HERC1: variants seen among roughly 807,000 people sequenced by gnomAD.
The protein encoded by HERC1 is HECT and RLD domain containing E3 ubiquitin protein ligase family member 1, also known as probable E3 ubiquitin-protein ligase HERC1.
HERC1 carries 160 observed loss-of-function variants against 554.3 expected under a neutral mutation model. That is an observed-to-expected ratio of 0.29 (90% CI 0.25 to 0.33). The LOEUF is 0.33. HERC1 is among the 10% of genes least tolerant of loss of function. The probability of loss-of-function intolerance (pLI) is 1.00; values close to 1 mark genes in which losing one functional copy is unlikely to be tolerated. For synonymous variants in HERC1, 2,175 were observed against 2,131.7 expected (o/e 1.02, Z -0.56); for missense variants, 4,919 against 5,918.5 (o/e 0.83, Z 5.54).
intron 74 of HERC1, 184 bp from the exon 75 acceptor site, chr15:63,616,866 T>G (rs989651991): frequency 5.1e-6 from 3 of 590,186 alleles, no homozygotes; most frequent in Non-Finnish European, 8.9e-6. Flanking sequence ...TAATCACACG[T>G]TGAGTTCTCA....
chr15:63,662,130 T>C, intron 44 of HERC1, 109 bp from the exon 45 acceptor site: 3 of 1,136,214 alleles, frequency 2.6e-6, no homozygotes, highest in Non-Finnish European at 3.6e-6. Context: ...CTAGAATATT[T>C]CCAACATGTT....
intron 74 of HERC1, among the ~76,000 whole-genome samples, chr15:63,619,031 T>C (rs905014366): frequency 6.6e-5 from 10 of 151,828 alleles, no homozygotes; most frequent in African/African-American, 2.4e-4. Flanking sequence ...TCCAACACTA[T>C]GTTGAATAGG....
chr15:63,612,103 G>T lies in HERC1; in HGVS notation c.14400+148C>A. On this transcript the variant is annotated intron_variant, in intron 77 of 77. Transcript: ENST00000443617. This position sits in a 1 kb window ranked among gnomAD's most constrained non-coding sequence, Gnocchi z 5.0. Reference sequence around the variant, plus strand: ...CTGCGGAGGCTGAGGCAGGAGAACTGCTTGAAGCTAGGAAGCGGAGGTTGC... The same window carrying T: ...CTGCGGAGGCTGAGGCAGGAGAACTTCTTGAAGCTAGGAAGCGGAGGTTGC... 1.4e-6 allele frequency: 1 copy of T among 691,880 alleles called. No individual in the cohort carries two copies. The highest frequency in any genetic ancestry group is 2.0e-5 in the South Asian group (1 of 50,304). 42.9% of individuals were successfully genotyped at this position (691,880 alleles called of 1,614,324 possible).
rs34069674 is a variant in HERC1 at position 63,718,083 on chromosome 15, GACACAC to G, written c.3978+485_3978+490del. Among the ~76,000 whole-genome samples, 201 of 75,658 alleles carry G rather than the reference GACACAC, an allele frequency of 2.7e-3. 1 individual carries two copies. Among genetic ancestry groups the G allele is most frequent in the Admixed American group, 8.0e-3 (70 of 8,796 alleles). 49.6% of individuals were successfully genotyped at this position (75,658 alleles called of 152,430 possible). On this transcript the variant is annotated intron_variant, in intron 21 of 77. Transcript: ENST00000443617. This position sits in a 1 kb window ranked among gnomAD's most constrained non-coding sequence, Gnocchi z 4.2. ...AGTATTTTTAAGGCAGCTATTATGT[GACACAC>G]ACACACACACACACACACACACACA...
rs542812318 is a variant in HERC1 at position 63,723,414 on chromosome 15, A to T, written c.3569-59T>A. ...TCATAAATTTTGGTGCTACAGATAA[A>T]ATCTTACCACATTTATTTAATGATT... On this transcript the variant is annotated intron_variant, in intron 18 of 77. Transcript: ENST00000443617. 2.7e-6 allele frequency: 3 copies of T among 1,129,030 alleles called. No individual in the cohort carries two copies. In the East Asian group the frequency reaches 7.8e-5, roughly 29 times the overall value. 69.9% of individuals were successfully genotyped at this position (1,129,030 alleles called of 1,614,324 possible).
intron 43 of HERC1, 56 bp from the exon 44 acceptor site, chr15:63,663,260 T>G: frequency 2.0e-6 from 3 of 1,477,072 alleles, no homozygotes; most frequent in Non-Finnish European, 2.8e-6. Context: ...ATTCTGAATA[T>G]TTCGCCAGTT....
At chr15:63,787,708 T>G (rs1340340155) in intron 1 of HERC1, among the ~76,000 whole-genome samples, 4 of 151,924 alleles carry the variant, frequency 2.6e-5, no homozygotes. Context: ...AAGGCTGTAG[T>G]GCACTATGAT....
At chr15:63,723,488 A>G in intron 18 of HERC1, 133 bp from the exon 19 acceptor site, 2 of 642,314 alleles carry the variant, frequency 3.1e-6, no homozygotes, top group South Asian at 4.6e-5. Flanking sequence ...ACCAAGGTAA[A>G]GTCCTTTAAT....
chr15:63,647,970 G>T, intron 55 of HERC1, 99 bp downstream of exon 55: 1 of 919,500 alleles, frequency 1.1e-6, no homozygotes, highest in Non-Finnish European at 1.7e-6. Flanking sequence ...TTGGGTGATG[G>T]ATATCTTAAA....
rs1270189772 is a variant in HERC1 at position 63,758,920 on chromosome 15, G to A, written c.1027-551C>T. Among the ~76,000 whole-genome samples, 3 of 151,292 alleles carry A rather than the reference G, an allele frequency of 2.0e-5. No individual in the cohort carries two copies. Among genetic ancestry groups the A allele is most frequent in the Admixed American group, 2.0e-4 (3 of 15,178 alleles). Reference sequence around the variant, plus strand: ...CCCAACTTTTTTTTTAAATAGATGGGGTCTCATTATCTTACACAGACTAGA... The same window carrying A: ...CCCAACTTTTTTTTTAAATAGATGGAGTCTCATTATCTTACACAGACTAGA... On this transcript the variant is annotated intron_variant, in intron 3 of 77. Coordinates refer to ENST00000443617, the MANE Select transcript of HERC1 (RefSeq NM_003922.4). This position sits in a 1 kb window ranked among gnomAD's most constrained non-coding sequence, Gnocchi z 4.0.
intron 30 of HERC1, 91 bp downstream of exon 30, chr15:63,693,873 A>G (rs2072260650): frequency 7.7e-7 from 1 of 1,291,874 alleles, no homozygotes; most frequent in Non-Finnish European, 1.1e-6. Flanking sequence ...ATACCTCATA[A>G]GGAAGAGGAA....
At chr15:63,676,299 T>C (rs931990230) in intron 37 of HERC1, among the ~76,000 whole-genome samples, 8 of 152,196 alleles carry the variant, frequency 5.3e-5, no homozygotes, top group Admixed American at 2.0e-4. Flanking sequence ...TGTAAAGCTG[T>C]CACTGGTTTC....
At chr15:63,610,815 C>T (rs1466328178) in intron 77 of HERC1, among the ~76,000 whole-genome samples, 2 of 152,178 alleles carry the variant, frequency 1.3e-5, no homozygotes, top group East Asian at 1.9e-4. Flanking sequence ...ACATCATGGG[C>T]CCTGCTCAGA....
chr15:63,794,943 G>A (rs139745343), intron 1 of HERC1, among the ~76,000 whole-genome samples: 36 of 151,844 alleles, frequency 2.4e-4, no homozygotes, highest in Admixed American at 5.9e-4. Context: ...GTGTGTACCT[G>A]TAGTCCCAGC....
rs1255175630 is a variant in HERC1 at position 63,733,102 on chromosome 15, G to A, written c.2690C>T (p.Thr897Ile). 1.2e-6 allele frequency: 2 copies of A among 1,613,704 alleles called. No individual in the cohort carries two copies. The highest frequency in any genetic ancestry group is 1.3e-5 in the African/African-American group (1 of 74,906). The change falls in exon 14 of 78, where the codon ACC becomes ATC. Residue 897 changes from threonine to isoleucine, a missense_variant. Transcript: ENST00000443617. ...DIILTSLQDH[T>I]HVASLLGYSS... ...ATAGCCAAGTAGGGAGGCTACGTGG[G>A]TATGATCTTGCAAACTTGTCAGGAT...
intron 8 of HERC1, among the ~76,000 whole-genome samples, chr15:63,750,310 TA>T (rs2075191711): frequency 6.6e-6 from 1 of 152,150 alleles, no homozygotes; most frequent in African/African-American, 2.4e-5. Context: ...AGTAACAAGG[TA>T]GTTCCCCTTA....
chr15:63,624,444 C>T (rs2068213566), intron 71 of HERC1, 117 bp from the exon 72 acceptor site: 1 of 876,672 alleles, frequency 1.1e-6, no homozygotes, highest in African/African-American at 1.7e-5. Flanking sequence ...TGCCTGTAGT[C>T]CCAGCACTTT....
rs553397856 is a variant in HERC1 at position 63,776,649 on chromosome 15, G to GA, written c.-26-1001dup. On this transcript the variant is annotated intron_variant, in intron 1 of 77. Coordinates refer to ENST00000443617, the MANE Select transcript of HERC1 (RefSeq NM_003922.4). ...TATTCTATGTCTCAATACTGGTGTG[G>GA]AATACACAGGTTGCGCATTTGTTAA... Among the ~76,000 whole-genome samples the GA allele has an allele frequency of 6.6e-5, 10 of 152,222 alleles. No homozygotes were observed. In the East Asian group the frequency reaches 1.7e-3, roughly 26 times the overall value.
intron 26 of HERC1, among the ~76,000 whole-genome samples, chr15:63,697,483 TCA>T (rs1297727456): frequency 5.0e-4 from 73 of 147,338 alleles, no homozygotes; most frequent in Middle Eastern, 3.5e-3. Context: ...AGATGGAGTT[TCA>T]CTCTTGTTGC....
Sources: allele counts gnomAD v4.1 joint callset (sites outside exome capture counted in the v4.1 genomes callset), GRCh38; gene constraint gnomAD v4.1.1; non-coding constraint Gnocchi (gnomAD v3.1); transcripts MANE v1.5; gene names NCBI Gene and HGNC (gene_info 2026-07-23, HGNC 2026-07-21).